Variants in PCNP observed in about 807,000 individuals in gnomAD.
PCNP encodes the protein PEST proteolytic signal-containing nuclear protein.
PCNP carries 6 observed loss-of-function variants against 21.8 expected under a neutral mutation model. The observed-to-expected ratio is 0.28, with a 90% CI of 0.15 to 0.54. The LOEUF is 0.54. Among genes scored for constraint, PCNP ranks in the 20% least tolerant of loss-of-function variants. The pLI is 0.95. For missense variants in PCNP, 161 were observed against 215.5 expected, an observed-to-expected ratio of 0.75 and a Z score of 1.58; for synonymous variants, 67 against 73.2, an observed-to-expected ratio of 0.92 and a Z score of 0.43.
chr3:101,575,785 A>G (rs982588777), intron 1 of PCNP, among the ~76,000 whole-genome samples: 3 of 152,144 alleles, frequency 2.0e-5, no homozygotes, highest in East Asian at 3.8e-4. Flanking sequence ...AATCCACTGT[A>G]TAATTTACCT....
intron 2 of PCNP, among the ~76,000 whole-genome samples, chr3:101,581,760 G>T (rs1265169429): frequency 4.0e-5 from 6 of 150,458 alleles, no homozygotes; most frequent in African/African-American, 1.5e-4. Context: ...ATTTTTTTGA[G>T]ACGGAGTTTA....
chr3:101,582,656 C>CA (rs1429271465), intron 2 of PCNP, among the ~76,000 whole-genome samples: 2 of 152,146 alleles, frequency 1.3e-5, no homozygotes, highest in Non-Finnish European at 2.9e-5. Context: ...TCTAACTGAA[C>CA]ATGTTTTATT....
intron 3 of PCNP, 97 bp downstream of exon 3, chr3:101,585,608 C>T: frequency 1.5e-6 from 1 of 676,666 alleles, no homozygotes; most frequent in Admixed American, 3.1e-5. Context: ...AGTGAATTTT[C>T]TTTATAATAG....
At chr3:101,586,571 T>TGTGTATGTGTGTGTGAGA in intron 3 of PCNP, among the ~76,000 whole-genome samples, 1 of 114,142 alleles carries the variant, frequency 8.8e-6, no homozygotes, top group African/African-American at 3.0e-5. Context: ...TGTGTGTGTG[T>TGTGTATGTGTGTGTGAGA]GAGAGAGAGA....
At chr3:101,585,964 G>A (rs543890790) in intron 3 of PCNP, among the ~76,000 whole-genome samples, 86 of 151,920 alleles carry the variant, frequency 5.7e-4, no homozygotes, top group African/African-American at 2.0e-3. Context: ...TGAGGTCAGC[G>A]GTTCAAGACC....
intron 1 of PCNP, chr3:101,576,995 T>A: frequency 1.1e-6 from 1 of 877,424 alleles, no homozygotes; most frequent in Admixed American, 1.7e-5. Context: ...GAGGAGCAAT[T>A]TTTGTATTTT....
intron 2 of PCNP, among the ~76,000 whole-genome samples, chr3:101,580,538 A>G (rs1464617694): frequency 1.3e-5 from 2 of 152,136 alleles, no homozygotes; most frequent in East Asian, 1.9e-4. Context: ...ATATTGAGCA[A>G]TCAGTTATTT....
chr3:101,584,964 G>A lies in PCNP; in HGVS notation c.280-473G>A, dbSNP rs558001158. Among the ~76,000 whole-genome samples the A allele has an allele frequency of 2.6e-5, 4 of 152,234 alleles. No individual in the cohort carries two copies. In the South Asian group the frequency reaches 8.3e-4, roughly 32 times the overall value. On this transcript the variant is annotated intron_variant, in intron 2 of 4. Coordinates refer to ENST00000265260, the MANE Select transcript of PCNP (RefSeq NM_020357.3). ...GGCTGCAATGAGCCAAGATTATGCC[G>A]CTGCACTCCAGCCTGGGCGACAGAG... is the stretch of plus-strand genomic sequence containing the variant.
chr3:101,581,426 A>T (rs538189804), intron 2 of PCNP, among the ~76,000 whole-genome samples: 7 of 151,054 alleles, frequency 4.6e-5, no homozygotes, highest in African/African-American at 7.3e-5. Flanking sequence ...ATTTATTTAT[A>T]TTTATTTATT....
At chr3:101,574,429 C>G in intron 1 of PCNP, 150 bp downstream of exon 1, 1 of 977,088 alleles carries the variant, frequency 1.0e-6, no homozygotes, top group Non-Finnish European at 1.4e-6. Flanking sequence ...CGGGCACGCC[C>G]GATGCGGCCC....
At chr3:101,576,407 G>C in intron 1 of PCNP, 1 of 1,157,128 alleles carries the variant, frequency 8.6e-7, no homozygotes, top group Non-Finnish European at 1.2e-6. Context: ...GCTAATTTTT[G>C]TATTTTTATT....
At chr3:101,585,306 A>T (rs1045562766) in intron 2 of PCNP, 131 bp from the exon 3 acceptor site, 13 of 578,774 alleles carry the variant, frequency 2.2e-5, no homozygotes, top group East Asian at 1.9e-4. Flanking sequence ...TGTCCAAAGT[A>T]TTGGGTTCGT....
chr3:101,585,361 A>G, intron 2 of PCNP, 76 bp from the exon 3 acceptor site: 2 of 847,586 alleles, frequency 2.4e-6, no homozygotes, highest in South Asian at 1.6e-5. Flanking sequence ...CATTCAAGAT[A>G]AATTATTCAT....
intron 1 of PCNP, among the ~76,000 whole-genome samples, chr3:101,578,276 G>GAA (rs2108273962): frequency 6.6e-6 from 1 of 152,292 alleles, no homozygotes; most frequent in Admixed American, 6.5e-5. Context: ...GCTACAAATA[G>GAA]AATACAGAAT....
chr3:101,583,906 C>T (rs1312781004), intron 2 of PCNP, among the ~76,000 whole-genome samples: 1 of 146,678 alleles, frequency 6.8e-6, no homozygotes, highest in Admixed American at 7.0e-5. Flanking sequence ...TCAAGTGATC[C>T]ACTTGCCTTA....
At chr3:101,577,778 C>T (rs770306202) in intron 1 of PCNP, among the ~76,000 whole-genome samples, 1 of 152,178 alleles carries the variant, frequency 6.6e-6, no homozygotes, top group Non-Finnish European at 1.5e-5. Flanking sequence ...CCCGCCTTGG[C>T]CTCCCAAAGT....
Position 101,579,989 on chromosome 3 carries a change from C to G in PCNP, c.264C>G (p.Ile88Met). 6.2e-6 allele frequency: 10 copies of G among 1,612,346 alleles called. No homozygotes were observed. The highest frequency in any genetic ancestry group is 6.8e-6 in the Non-Finnish European group (8 of 1,178,336). ...QTTKKASAIS[I>M]KLGSSKPKET... ...CAAAGAAAGCATCAGCCATATCCATCAAACTTGGATCAAGTGTGAGTTGTT... is the reference window on the plus strand; with the variant it reads ...CAAAGAAAGCATCAGCCATATCCATGAAACTTGGATCAAGTGTGAGTTGTT... The change falls in exon 2 of 5, where the codon ATC (isoleucine) becomes ATG (methionine). Residue 88 changes from isoleucine (I) to methionine (M), a missense_variant. Ile to Met is a conservative substitution (Grantham distance 10). Around this residue, in one of 4 missense-constraint regions of PCNP, gnomAD observed 66 missense variants for 127.8 expected, o/e 0.52. Coordinates refer to ENST00000265260, the MANE Select transcript of PCNP (RefSeq NM_020357.3).
chr3:101,590,667 C>T (rs1372117461), intron 4 of PCNP, among the ~76,000 whole-genome samples: 1 of 152,072 alleles, frequency 6.6e-6, no homozygotes, highest in Non-Finnish European at 1.5e-5. Flanking sequence ...ACCTCAGCCT[C>T]TCAAGAAGCT....
At chr3:101,590,393 C>A in intron 4 of PCNP, 123 bp downstream of exon 4, 1 of 629,776 alleles carries the variant, frequency 1.6e-6, no homozygotes, top group Non-Finnish European at 2.8e-6. Context: ...TTTTTAAAAG[C>A]ATGTTCTGTG....
Sources: allele counts gnomAD v4.1 joint callset (sites outside exome capture counted in the v4.1 genomes callset), GRCh38; gene constraint gnomAD v4.1.1; regional missense constraint gnomAD v4.1.1; transcripts MANE v1.5; gene names NCBI Gene and HGNC (gene_info 2026-07-23, HGNC 2026-07-21).